The following ATXN10 variants were observed in gnomAD, a reference collection of about 807,000 sequenced individuals.
ATXN10 encodes the protein ataxin 10.
ATXN10 carries 28 observed loss-of-function variants against 52.9 expected under a neutral mutation model. The ratio of observed to expected loss-of-function variants is 0.53; its 90% CI spans 0.39 to 0.73. The LOEUF (loss-of-function observed/expected upper bound fraction) is 0.73. Among genes scored for constraint, ATXN10 ranks in the 30% least tolerant of loss-of-function variants. ATXN10 has a pLI of 0.00. For missense variants in ATXN10, 565 were observed against 577.0 expected (o/e 0.98, Z 0.21); for synonymous variants, 226 against 221.5 (o/e 1.02, Z -0.18).
intron 9 of ATXN10, among the ~76,000 whole-genome samples, chr22:45,785,206 A>G (rs1215536716): frequency 1.3e-5 from 2 of 152,036 alleles, no homozygotes; most frequent in Non-Finnish European, 2.9e-5. Flanking sequence ...TCGGGAGGCT[A>G]CTAAATGGAG....
rs2146863539 is a variant in ATXN10 at position 45,790,251 on chromosome 22, A to C, written c.1174-16708A>C. Among the ~76,000 whole-genome samples, 1 of 152,264 alleles carries C rather than the reference A, an allele frequency of 6.6e-6. No individual in the cohort carries two copies. Among genetic ancestry groups the C allele is most frequent in the Non-Finnish European group, 1.5e-5 (1 of 68,010 alleles). On this transcript the variant is annotated intron_variant, in intron 9 of 11. Coordinates refer to ENST00000252934, the MANE Select transcript of ATXN10 (RefSeq NM_013236.4). This position sits in a 1 kb window ranked among gnomAD's most constrained non-coding sequence, Gnocchi z 4.7. ...GTCAGGATTTTTTTGTAACAGCTGC[A>C]GTCTGGACTGTCTCTTGCCGGAATG...
chr22:45,696,687 G>A lies in ATXN10; in HGVS notation c.392-3595G>A, dbSNP rs955393733. ...TATCTTCTTTTGACTCCATGTCCCCGTCAGTCCAGTATCTCGTTTTTCTGC... is the reference window on the plus strand; with the variant it reads ...TATCTTCTTTTGACTCCATGTCCCCATCAGTCCAGTATCTCGTTTTTCTGC... On this transcript the variant is annotated intron_variant, in intron 3 of 11. Coordinates refer to ENST00000252934, the MANE Select transcript of ATXN10 (RefSeq NM_013236.4). The surrounding 1 kb of genome is among the most constrained non-coding windows in gnomAD (Gnocchi z 4.7). Among the ~76,000 whole-genome samples the A allele has an allele frequency of 2.6e-5, 4 of 152,062 alleles. No individual in the cohort carries two copies. Among genetic ancestry groups the A allele is most frequent in the Non-Finnish European group, 5.9e-5 (4 of 68,016 alleles).
chr22:45,782,436 A>T (rs923427159), intron 9 of ATXN10, among the ~76,000 whole-genome samples: 1 of 152,236 alleles, frequency 6.6e-6, no homozygotes, highest in African/African-American at 2.4e-5. Flanking sequence ...CGAGTGGATA[A>T]ATACATTATG....
chr22:45,801,521 A>G (rs1927930735), intron 9 of ATXN10, among the ~76,000 whole-genome samples: 1 of 152,228 alleles, frequency 6.6e-6, no homozygotes, highest in African/African-American at 2.4e-5. Flanking sequence ...GATCAATGGT[A>G]CTATATTTTT....
rs1428888506 is a variant in ATXN10 at position 45,786,853 on chromosome 22, A to G, written c.1174-20106A>G. Among the ~76,000 whole-genome samples the G allele has an allele frequency of 2.0e-5, 3 of 152,226 alleles. No individual in the cohort carries two copies. The highest frequency in any genetic ancestry group is 7.2e-5 in the African/African-American group (3 of 41,448). On this transcript the variant is annotated intron_variant, in intron 9 of 11. Coordinates refer to ENST00000252934, the MANE Select transcript of ATXN10 (RefSeq NM_013236.4). This position sits in a 1 kb window ranked among gnomAD's most constrained non-coding sequence, Gnocchi z 4.1. ...GAACCCTCCTGGGAGGCATTTTAAC[A>G]GTATGTCTCAAAGACACTCAAAGAT... is the stretch of plus-strand genomic sequence containing the variant.
At position 45,696,536 on chromosome 22, in the gene ATXN10, A is replaced by G. The variant is rs1430799190; in HGVS notation, c.391+3458A>G. The stretch of plus-strand genomic sequence containing the variant: ...CCACCATGTGCTGGATTTCATCGCC[A>G]CTTGCCCACGCAGAAGCTTTTCTCC... On this transcript the variant is annotated intron_variant, in intron 3 of 11. Coordinates refer to ENST00000252934, the MANE Select transcript of ATXN10 (RefSeq NM_013236.4). The surrounding 1 kb of genome is among the most constrained non-coding windows in gnomAD (Gnocchi z 4.7). Among the ~76,000 whole-genome samples, 1 of 152,212 alleles carries G rather than the reference A, an allele frequency of 6.6e-6. No individual in the cohort carries two copies. The highest frequency in any genetic ancestry group is 1.5e-5 in the Non-Finnish European group (1 of 68,034).
chr22:45,794,781 T>C (rs910955333), intron 9 of ATXN10, among the ~76,000 whole-genome samples: 2 of 152,210 alleles, frequency 1.3e-5, no homozygotes, highest in Non-Finnish European at 2.9e-5. Context: ...CTGTAAGAAA[T>C]GTTAAATGAA....
rs780811202 is a variant in ATXN10 at position 45,672,070 on chromosome 22, G to A, written c.7G>A (p.Ala3Thr). 2.0e-6 allele frequency: 3 copies of A among 1,537,084 alleles called. 1 individual carries two copies. The South Asian group carries it at 3.6e-5, about 18-fold the overall frequency. ...CCCAGCTGTGAGCGGCAAGATGGCG[G>A]CGCCCAGGCCGCCGCCTGCCAGGCT... MAAPRPPPARLSG... is the reference protein window; with the variant it reads MATPRPPPARLSG... The change falls in exon 1 of 12, where the codon GCG becomes ACG. Residue 3 changes from alanine (A) to threonine (T), a missense_variant. By Grantham distance (58) the Ala-to-Thr change is moderately conservative (BLOSUM62 0). Coordinates refer to ENST00000252934, the MANE Select transcript of ATXN10 (RefSeq NM_013236.4).
rs1922929257 is a variant in ATXN10 at position 45,681,700 on chromosome 22, C to G, written c.117-8012C>G. On this transcript the variant is annotated intron_variant, in intron 1 of 11. Coordinates refer to ENST00000252934, the MANE Select transcript of ATXN10 (RefSeq NM_013236.4). This position sits in a 1 kb window ranked among gnomAD's most constrained non-coding sequence, Gnocchi z 4.2. ...AAAACATACAGCCGTGCAGACTGCT[C>G]TCACTTTAACTTGCTGATCACTAAC... 6.6e-6 allele frequency among the ~76,000 whole-genome samples: 1 copy of G among 152,208 alleles called. No homozygotes were observed. Among genetic ancestry groups the G allele is most frequent in the African/African-American group, 2.4e-5 (1 of 41,440 alleles).
intron 1 of ATXN10, among the ~76,000 whole-genome samples, chr22:45,686,520 G>A (rs1481173000): frequency 6.6e-6 from 1 of 152,098 alleles, no homozygotes; most frequent in East Asian, 1.9e-4. Context: ...GTTTCCCAAA[G>A]GTTTGAAAGG....
At chr22:45,711,186 A>G (rs1924233312) in intron 5 of ATXN10, among the ~76,000 whole-genome samples, 1 of 152,160 alleles carries the variant, frequency 6.6e-6, no homozygotes, top group Admixed American at 6.5e-5. Context: ...ATTCAGCAAT[A>G]AAAAGGAACA....
At position 45,795,406 on chromosome 22, in the gene ATXN10, TTCTATTCTA is replaced by T. The variant is rs1569068097; in HGVS notation, c.1174-11551_1174-11543del. On this transcript the variant is annotated intron_variant, in intron 9 of 11. Transcript: ENST00000252934. This position sits in a 1 kb window ranked among gnomAD's most constrained non-coding sequence, Gnocchi z 4.6. ...TTCTATTCTATTCTATTCTATTCTA[TTCTATTCTA>T]TTCTATTCTTTTTGAGATGAAGTCT... Among the ~76,000 whole-genome samples the T allele has an allele frequency of 3.1e-4, 47 of 150,266 alleles. No individual in the cohort carries two copies. Among genetic ancestry groups the T allele is most frequent in the Middle Eastern group, 3.4e-3 (1 of 294 alleles).
At chr22:45,751,011 A>G (rs753405373) in intron 9 of ATXN10, among the ~76,000 whole-genome samples, 1 of 151,916 alleles carries the variant, frequency 6.6e-6, no homozygotes, top group Non-Finnish European at 1.5e-5. Flanking sequence ...GCTCACTGCA[A>G]CCTCTGCCTC....
Position 45,672,194 on chromosome 22 carries a change from C to T in ATXN10, c.116+15C>T, listed in dbSNP as rs929666454. ...CAGCGGAACCGGTAACGGGTCCGGCCGGGGGGCTGCCCCGGGCAGGGGAGG... is the reference window on the plus strand; with the variant it reads ...CAGCGGAACCGGTAACGGGTCCGGCTGGGGGGCTGCCCCGGGCAGGGGAGG... On this transcript the variant is annotated intron_variant, in intron 1 of 11. Coordinates refer to ENST00000252934, the MANE Select transcript of ATXN10 (RefSeq NM_013236.4). 94 of 1,523,370 alleles carry T rather than the reference C, an allele frequency of 6.2e-5. 1 individual carries two copies. The Admixed American group carries it at 1.5e-3, about 24-fold the overall frequency. 94.4% of individuals were successfully genotyped at this position (1,523,370 alleles called of 1,614,324 possible).
In ATXN10 at chr22:45,748,557, G is replaced by A. The variant is rs117380894; in HGVS notation, c.1173+8019G>A. 6.4e-3 allele frequency among the ~76,000 whole-genome samples: 971 copies of A among 152,186 alleles called. 7 individuals are homozygous for A. Among genetic ancestry groups the A allele is most frequent in the South Asian group, 0.015 (72 of 4,820 alleles). ...CTAGTAAAGAGCTGAAGTGTTTTCC[G>A]CGTGAATTCCAAAATCTGTTCTAGC... On this transcript the variant is annotated intron_variant, in intron 9 of 11. Transcript: ENST00000252934.
In ATXN10 at chr22:45,727,876, G is replaced by A. The variant is rs1924941635; in HGVS notation, c.729-1549G>A. On this transcript the variant is annotated intron_variant, in intron 6 of 11. Transcript: ENST00000252934. The surrounding 1 kb of genome is among the most constrained non-coding windows in gnomAD (Gnocchi z 4.6). ...TTTTTTTTACTGTTGTTGCTTTAAA[G>A]TCTATTTTATCTGACATAAGAGCTG... Among the ~76,000 whole-genome samples, 1 of 151,902 alleles carries A rather than the reference G, an allele frequency of 6.6e-6. No individual in the cohort carries two copies.
rs745780437 is a variant in ATXN10, at chr22:45,843,666, T to C, written c.1426-3T>C. On this transcript the variant is annotated splice_polypyrimidine_tract_variant and splice_region_variant and intron_variant, in intron 11 of 11. Transcript: ENST00000252934. The surrounding 1 kb of genome is among the most constrained non-coding windows in gnomAD (Gnocchi z 4.5). Reference sequence around the variant, plus strand: ...GCAATTTTGTTTCTTTCTTCTTCTTTAGTGAATGAACTACATCCAAATACC... The same window carrying C: ...GCAATTTTGTTTCTTTCTTCTTCTTCAGTGAATGAACTACATCCAAATACC... 6 of 1,612,234 alleles carry C rather than the reference T, an allele frequency of 3.7e-6. No individual in the cohort carries two copies. Among genetic ancestry groups the C allele is most frequent in the South Asian group, 3.3e-5 (3 of 90,826 alleles).
At chr22:45,831,434 GT>G (rs1555899180) in intron 10 of ATXN10, among the ~76,000 whole-genome samples, 4 of 152,040 alleles carry the variant, frequency 2.6e-5, no homozygotes, top group Non-Finnish European at 5.9e-5. Context: ...GACTTTTCCT[GT>G]ATGTCTCAGA....
chr22:45,748,219 C>CT (rs1402024145), intron 9 of ATXN10, among the ~76,000 whole-genome samples: 1 of 151,930 alleles, frequency 6.6e-6, no homozygotes, highest in East Asian at 1.9e-4. Flanking sequence ...CCTTATGTCT[C>CT]TAACTATAAT....
Sources: gnomAD v4.1 joint callset for allele counts (sites outside exome capture counted in the v4.1 genomes callset) on GRCh38, gnomAD v4.1.1 for gene constraint, Gnocchi (gnomAD v3.1) non-coding constraint, MANE v1.5 for transcripts, NCBI Gene and HGNC (gene_info 2026-07-23, HGNC 2026-07-21) for gene names.